ASXL3: variants seen among roughly 807,000 people sequenced by gnomAD.
The protein encoded by ASXL3 is ASXL transcriptional regulator 3, also known as putative Polycomb group protein ASXL3.
In ASXL3, 34 loss-of-function variants were observed where a neutral mutation model predicts 170.6. The observed-to-expected ratio is 0.20, with a 90% confidence interval of 0.15 to 0.27. ASXL3 has a LOEUF of 0.27. Ranked by LOEUF, ASXL3 falls within the 10% of genes least tolerant of loss-of-function variation. ASXL3 has a pLI of 1.00. For synonymous variants in ASXL3, 1,002 were observed against 989.1 expected (o/e 1.01, Z -0.24); for missense variants, 2,592 against 2,695.3 (o/e 0.96, Z 0.85).
At chr18:33,647,915 G>A (rs2065938993) in intron 4 of ASXL3, among the ~76,000 whole-genome samples, 1 of 152,016 alleles carries the variant, frequency 6.6e-6, no homozygotes, top group Non-Finnish European at 1.5e-5. Context: ...GAGCATGAGA[G>A]AACAGGCATT....
At chr18:33,710,127 A>G (rs2067030931) in intron 8 of ASXL3, among the ~76,000 whole-genome samples, 1 of 152,160 alleles carries the variant, frequency 6.6e-6, no homozygotes, top group Non-Finnish European at 1.5e-5. Flanking sequence ...GTGGTGGCAC[A>G]TGCCTGTAAT....
chr18:33,637,696 G>A (rs1396124122), intron 2 of ASXL3, among the ~76,000 whole-genome samples: 1 of 152,062 alleles, frequency 6.6e-6, no homozygotes, highest in East Asian at 1.9e-4. Context: ...CAGGGGTGGA[G>A]AAATAGGCTA....
At chr18:33,601,995 T>A (rs1393066140) in intron 1 of ASXL3, among the ~76,000 whole-genome samples, 1 of 151,516 alleles carries the variant, frequency 6.6e-6, no homozygotes, top group African/African-American at 2.4e-5. Context: ...AGAGACAGGG[T>A]CTCACTGTGT....
chr18:33,750,091 A>C lies in ASXL3; in HGVS notation c.*3496A>C, dbSNP rs1371293625. The C allele has an allele frequency of 6.6e-6, 1 of 152,298 alleles. No individual in the cohort carries two copies. Among genetic ancestry groups the C allele is most frequent in the East Asian group, 1.9e-4 (1 of 5,190 alleles). The allele number at this position is 152,298 out of a possible 1,614,324, so 9.4% of individuals were successfully genotyped here. The stretch of plus-strand genomic sequence containing the variant: ...CGTCTGTACGGTGGTGAGGCCCAGC[A>C]CAGCGGTAGCTGCCTAGTGGGAATG... On this transcript the variant is annotated 3_prime_UTR_variant, in exon 12 of 12. Coordinates refer to ENST00000269197, the MANE Select transcript of ASXL3 (RefSeq NM_030632.3).
At chr18:33,580,822 T>C (rs1049780368) in intron 1 of ASXL3, among the ~76,000 whole-genome samples, 1 of 152,194 alleles carries the variant, frequency 6.6e-6, no homozygotes. Flanking sequence ...CTAGTAGTTA[T>C]GGTAATTTTT....
intron 2 of ASXL3, among the ~76,000 whole-genome samples, chr18:33,623,802 C>T (rs1270502975): frequency 6.6e-6 from 1 of 152,050 alleles, no homozygotes; most frequent in Non-Finnish European, 1.5e-5. Flanking sequence ...GATTCCATGA[C>T]AGGATATAAA....
At chr18:33,677,279 C>A (rs2066444258) in intron 7 of ASXL3, among the ~76,000 whole-genome samples, 1 of 152,150 alleles carries the variant, frequency 6.6e-6, no homozygotes, top group East Asian at 1.9e-4. Flanking sequence ...TGAATAATAA[C>A]CCCACATCTT....
At chr18:33,599,555 C>T (rs1349385975) in intron 1 of ASXL3, among the ~76,000 whole-genome samples, 1 of 151,940 alleles carries the variant, frequency 6.6e-6, no homozygotes, top group Non-Finnish European at 1.5e-5. Flanking sequence ...TAAGGGAAAC[C>T]GAGCAATTGG....
chr18:33,627,587 C>T (rs1363576538), intron 2 of ASXL3, among the ~76,000 whole-genome samples: 1 of 152,070 alleles, frequency 6.6e-6, no homozygotes, highest in Admixed American at 6.6e-5. Flanking sequence ...CCTTGGGACC[C>T]TTTTAAGCAA....
chr18:33,649,597 C>T (rs1358019744), intron 4 of ASXL3: 2 of 152,190 alleles, frequency 1.3e-5, no homozygotes, highest in East Asian at 1.9e-4. Flanking sequence ...GACCACTCTA[C>T]AAGTACAGAA....
intron 1 of ASXL3, among the ~76,000 whole-genome samples, chr18:33,579,915 A>T (rs898285160): frequency 6.6e-6 from 1 of 152,202 alleles, no homozygotes; most frequent in Non-Finnish European, 1.5e-5. Context: ...GAGTAACTAC[A>T]TTATGCTCAA....
chr18:33,638,097 C>A (rs1212825223), intron 2 of ASXL3, among the ~76,000 whole-genome samples: 1 of 151,176 alleles, frequency 6.6e-6, no homozygotes, highest in Non-Finnish European at 1.5e-5. Context: ...GATCTGAATT[C>A]TCTACCACAT....
intron 8 of ASXL3, among the ~76,000 whole-genome samples, chr18:33,704,463 T>A (rs1262289669): frequency 6.6e-6 from 1 of 152,066 alleles, no homozygotes; most frequent in Non-Finnish European, 1.5e-5. Context: ...TGTATTATGG[T>A]AGGTTTTAAG....
chr18:33,722,726 A>G lies in ASXL3; in HGVS notation c.880-9242A>G, dbSNP rs117236680. Among the ~76,000 whole-genome samples, 683 of 152,288 alleles carry G rather than the reference A, an allele frequency of 4.5e-3. 4 individuals are homozygous for G. Among genetic ancestry groups the G allele is most frequent in the Admixed American group, 0.012 (180 of 15,276 alleles). On this transcript the variant is annotated intron_variant, in intron 8 of 11. Coordinates refer to ENST00000269197, the MANE Select transcript of ASXL3 (RefSeq NM_030632.3). ...GCTAAGATTATTGATGAAGGTGGCT[A>G]TGTTAAACAACAGATTTTCAATGTA... is the stretch of plus-strand genomic sequence containing the variant.
intron 2 of ASXL3, among the ~76,000 whole-genome samples, chr18:33,609,586 A>C (rs939988707): frequency 2.6e-5 from 4 of 152,012 alleles, no homozygotes; most frequent in African/African-American, 7.2e-5. Context: ...AATACAAACA[A>C]ATTTTAAAAA....
intron 8 of ASXL3, among the ~76,000 whole-genome samples, chr18:33,726,572 A>C (rs2067354662): frequency 6.6e-6 from 1 of 152,184 alleles, no homozygotes; most frequent in Non-Finnish European, 1.5e-5. Flanking sequence ...ATATGTTGAA[A>C]TAATATTTTC....
chr18:33,699,159 TG>T (rs1336012487), intron 8 of ASXL3, among the ~76,000 whole-genome samples: 1 of 152,024 alleles, frequency 6.6e-6, no homozygotes, highest in Non-Finnish European at 1.5e-5. Flanking sequence ...TAAGAAAGAA[TG>T]ACTCAAGAGT....
At chr18:33,728,999 A>G (rs983472227) in intron 8 of ASXL3, among the ~76,000 whole-genome samples, 1 of 152,182 alleles carries the variant, frequency 6.6e-6, no homozygotes, top group African/African-American at 2.4e-5. Flanking sequence ...TTGGACCTGG[A>G]GGCCACTAAC....
intron 1 of ASXL3, among the ~76,000 whole-genome samples, chr18:33,589,899 GAGACATTTTAT>G (rs1163347821): frequency 2.6e-5 from 4 of 152,034 alleles, no homozygotes; most frequent in African/African-American, 9.7e-5. Context: ...GTAAGCTTAG[GAGACATTTTAT>G]AATATTATTC....
Sources: allele counts gnomAD v4.1 joint callset (sites outside exome capture counted in the v4.1 genomes callset), GRCh38; gene constraint gnomAD v4.1.1; transcripts MANE v1.5; gene names NCBI Gene and HGNC (gene_info 2026-07-23, HGNC 2026-07-21).